Variants in TRAPPC12 observed in about 807,000 individuals in gnomAD.
TRAPPC12 encodes the protein TPR repeat protein 15.
A neutral mutation model predicts 69.2 loss-of-function variants in TRAPPC12; 61 were observed. The observed-to-expected ratio is 0.88, with a 90% CI of 0.72 to 1.09. The LOEUF (loss-of-function observed/expected upper bound fraction) is 1.09, where lower values mean the gene tolerates loss of function less well. TRAPPC12 is among the 50% of genes least tolerant of loss of function. The pLI, the probability that TRAPPC12 is intolerant of heterozygous loss-of-function variation, is 0.00. For synonymous variants in TRAPPC12, 469 were observed against 438.9 expected (o/e 1.07, Z -0.86); for missense variants, 1,101 against 1,016.4 (o/e 1.08, Z -1.13).
chr2:3,410,872 A>G (rs1260348132), intron 3 of TRAPPC12, among the ~76,000 whole-genome samples: 1 of 152,172 alleles, frequency 6.6e-6, no homozygotes, highest in African/African-American at 2.4e-5. Context: ...TCTAGTAAAA[A>G]TACAAAAATT....
At position 3,388,226 on chromosome 2, in the gene TRAPPC12, G is replaced by T; in HGVS notation, c.603G>T (p.Gln201His). 6.2e-7 allele frequency: 1 copy of T among 1,608,700 alleles called. No homozygotes were observed. The highest frequency in any genetic ancestry group is 8.5e-7 in the Non-Finnish European group (1 of 1,177,768). Residue 201 changes from glutamine (Q) to histidine (H), a missense_variant, in exon 2 of 12, where the codon CAG becomes CAT. Physicochemically the swap from Gln to His is conservative, Grantham distance 24. Coordinates refer to ENST00000324266, the MANE Select transcript of TRAPPC12 (RefSeq NM_016030.6). ...CCAGGACACCGCCCCAGGTCGTGCAGCCCAGCCCCAGCCTCAGCACGTTCT... is the reference window on the plus strand; with the variant it reads ...CCAGGACACCGCCCCAGGTCGTGCATCCCAGCCCCAGCCTCAGCACGTTCT... ...ASARTPPQVVQPSPSLSTFFG... is the reference protein window; with the variant it reads ...ASARTPPQVVHPSPSLSTFFG...
chr2:3,413,514 T>G (rs940349764), intron 3 of TRAPPC12, among the ~76,000 whole-genome samples: 1 of 152,184 alleles, frequency 6.6e-6, no homozygotes, highest in Non-Finnish European at 1.5e-5. Context: ...AATATCAAAT[T>G]AACAAATAAT....
chr2:3,401,704 G>A, intron 2 of TRAPPC12, 73 bp from the exon 3 acceptor site: 2 of 979,848 alleles, frequency 2.0e-6, no homozygotes, highest in Non-Finnish European at 2.9e-6. Context: ...ATTGTGTTTA[G>A]TTATGGGTTC....
intron 6 of TRAPPC12, among the ~76,000 whole-genome samples, chr2:3,451,221 G>T (rs879632695): frequency 6.6e-6 from 1 of 152,190 alleles, no homozygotes; most frequent in Non-Finnish European, 1.5e-5. Context: ...CTCCCATACT[G>T]TGGGCAGGTG....
intron 4 of TRAPPC12, among the ~76,000 whole-genome samples, chr2:3,422,792 A>G (rs1662884265): frequency 6.6e-6 from 1 of 152,172 alleles, no homozygotes; most frequent in Admixed American, 6.5e-5. Context: ...CTGTTTTCCT[A>G]TCATTTCTCT....
chr2:3,388,682 T>G lies in TRAPPC12; in HGVS notation c.1047+12T>G. ...TCGACAACATCCAGGTGAGCCCGGG[T>G]CTCCCACCTCCGCAGCCCGTGCCTC... On this transcript the variant is annotated intron_variant, in intron 2 of 11. Coordinates refer to ENST00000324266, the MANE Select transcript of TRAPPC12 (RefSeq NM_016030.6). 1 of 1,526,274 alleles carries G rather than the reference T, an allele frequency of 6.6e-7. No individual in the cohort carries two copies. 94.5% of individuals were successfully genotyped at this position (1,526,274 alleles called of 1,614,324 possible).
chr2:3,393,005 G>A (rs1236720935), intron 2 of TRAPPC12, among the ~76,000 whole-genome samples: 2 of 152,192 alleles, frequency 1.3e-5, no homozygotes, highest in Non-Finnish European at 2.9e-5. Flanking sequence ...AACTTCTCAG[G>A]AGGCTGAGGC....
At chr2:3,440,553 C>T (rs1268851876) in intron 5 of TRAPPC12, among the ~76,000 whole-genome samples, 2 of 152,084 alleles carry the variant, frequency 1.3e-5, no homozygotes, top group Non-Finnish European at 2.9e-5. Context: ...CTTTTAATCA[C>T]TTCCTAGTTT....
chr2:3,464,966 A>G (rs1665724928), intron 8 of TRAPPC12, among the ~76,000 whole-genome samples: 1 of 152,224 alleles, frequency 6.6e-6, no homozygotes, highest in Non-Finnish European at 1.5e-5. Context: ...TGCCCTGAGC[A>G]CGGCAGCTGG....
chr2:3,468,512 C>T (rs1024718255), intron 9 of TRAPPC12, among the ~76,000 whole-genome samples: 2 of 152,264 alleles, frequency 1.3e-5, no homozygotes, highest in East Asian at 1.9e-4. Flanking sequence ...TGTGTCCTGC[C>T]TGGGACATGC....
At chr2:3,407,791 G>A (rs1478343241) in intron 3 of TRAPPC12, among the ~76,000 whole-genome samples, 2 of 151,498 alleles carry the variant, frequency 1.3e-5, no homozygotes, top group African/African-American at 2.4e-5. Context: ...GCAAGACTCC[G>A]TTTCAAAAAA....
chr2:3,451,808 G>A (rs759956065), intron 6 of TRAPPC12, among the ~76,000 whole-genome samples: 3 of 152,100 alleles, frequency 2.0e-5, no homozygotes, highest in Admixed American at 6.5e-5. Flanking sequence ...GACTATAAGC[G>A]TGAGCCACCA....
At position 3,387,829 on chromosome 2, in the gene TRAPPC12, G is replaced by A. The variant is rs761622478; in HGVS notation, c.206G>A (p.Ser69Asn). 8.1e-6 allele frequency: 13 copies of A among 1,611,190 alleles called. No homozygotes were observed. Among genetic ancestry groups the A allele is most frequent in the Admixed American group, 1.7e-5 (1 of 59,886 alleles). The change falls in exon 2 of 12, where the codon AGC becomes AAC. Residue 69 changes from serine to asparagine, a missense_variant. Transcript: ENST00000324266. ...ADKLNEHMME[S>N]VLISDSPNSE... ...AAGCTGAACGAACACATGATGGAGA[G>A]CGTCCTCATCTCTGACTCCCCCAAC... is the stretch of plus-strand genomic sequence containing the variant.
chr2:3,443,110 G>A (rs1664311288), intron 5 of TRAPPC12, among the ~76,000 whole-genome samples: 1 of 152,200 alleles, frequency 6.6e-6, no homozygotes, highest in Non-Finnish European at 1.5e-5. Flanking sequence ...CGATATAAAG[G>A]GGGTTTCTCC....
intron 2 of TRAPPC12, 82 bp from the exon 3 acceptor site, chr2:3,401,695 T>G: frequency 1.2e-6 from 1 of 847,796 alleles, no homozygotes; most frequent in Non-Finnish European, 1.7e-6. Flanking sequence ...AAAAAAGAAA[T>G]TGTGTTTAGT....
chr2:3,450,749 C>G (rs1664809655), intron 6 of TRAPPC12, among the ~76,000 whole-genome samples: 1 of 152,184 alleles, frequency 6.6e-6, no homozygotes, highest in Non-Finnish European at 1.5e-5. Flanking sequence ...CTGCTCCAAG[C>G]TTTAGTCTCC....
At chr2:3,403,879 A>G (rs1007614210) in intron 3 of TRAPPC12, among the ~76,000 whole-genome samples, 4 of 152,246 alleles carry the variant, frequency 2.6e-5, no homozygotes, top group Non-Finnish European at 4.4e-5. Flanking sequence ...ATTCTGCCAG[A>G]AATGACTGAT....
At chr2:3,410,291 A>G (rs766726699) in intron 3 of TRAPPC12, among the ~76,000 whole-genome samples, 1 of 152,264 alleles carries the variant, frequency 6.6e-6, no homozygotes, top group Non-Finnish European at 1.5e-5. Context: ...TAACAAGAGC[A>G]TAAACATTTC....
chr2:3,452,981 C>T (rs1664929963), intron 6 of TRAPPC12, among the ~76,000 whole-genome samples: 1 of 152,160 alleles, frequency 6.6e-6, no homozygotes, highest in South Asian at 2.1e-4. Context: ...AAATGGGAAG[C>T]TAAGGAAATA....
Sources: gnomAD v4.1 joint callset for allele counts (sites outside exome capture counted in the v4.1 genomes callset) on GRCh38, gnomAD v4.1.1 for gene constraint, MANE v1.5 for transcripts, NCBI Gene and HGNC (gene_info 2026-07-23, HGNC 2026-07-21) for gene names.